Variants in ACADVL observed in about 807,000 individuals in gnomAD.
ACADVL encodes the protein very long-chain acyl-CoA dehydrogenase, mitochondrial.
In ACADVL, 73 loss-of-function variants were observed where a neutral mutation model predicts 80.4. The observed-to-expected ratio is 0.91, with a 90% CI of 0.75 to 1.10. ACADVL has a LOEUF of 1.10. Among genes scored for constraint, ACADVL ranks in the 50% least tolerant of loss-of-function variants. The pLI, the probability that ACADVL is intolerant of heterozygous loss-of-function variation, is 0.00. For missense variants in ACADVL, 878 were observed against 858.9 expected, an observed-to-expected ratio of 1.02 and a Z score of -0.28; for synonymous variants, 392 against 326.5, an observed-to-expected ratio of 1.20 and a Z score of -2.16.
Position 7,224,877 on chromosome 17 carries a change from G to C in ACADVL, c.1820G>C (p.Cys607Ser), listed in dbSNP as rs200117742. The change falls in exon 19 of 20, where the codon TGT (cysteine) becomes TCT (serine). Residue 607 changes from cysteine to serine, a missense_variant. Transcript: ENST00000356839. Reference sequence around the variant, plus strand: ...GAGAAAATGCTCTGTGACACCTGGTGTATCGAGGTGAGACTCGGGGCTGCC... The same window carrying C: ...GAGAAAATGCTCTGTGACACCTGGTCTATCGAGGTGAGACTCGGGGCTGCC... Reference protein sequence around the residue: ...QHEKMLCDTWCIEAAARIREG... With the variant: ...QHEKMLCDTWSIEAAARIREG... 4.8e-5 allele frequency: 77 copies of C among 1,614,102 alleles called. No homozygotes were observed. The East Asian group carries it at 1.7e-3, about 36-fold the overall frequency.
At chr17:7,221,362 G>A in intron 6 of ACADVL, 176 bp from the exon 7 acceptor site, 1 of 1,162,436 alleles carries the variant, frequency 8.6e-7, no homozygotes, top group Admixed American at 1.9e-5. Context: ...AGCATTCTCT[G>A]CTGTGCCCTT....
In ACADVL at chr17:7,222,849, G is replaced by A; in HGVS notation, c.1061G>A (p.Gly354Asp). 6.2e-7 allele frequency: 1 copy of A among 1,612,438 alleles called. No individual in the cohort carries two copies. Among genetic ancestry groups the A allele is most frequent in the Middle Eastern group, 1.9e-4 (1 of 5,170 alleles). The change falls in exon 10 of 20, where the codon GGC becomes GAC. Residue 354 changes from glycine to aspartate, a missense_variant. Transcript: ENST00000356839. ...MAAALAGTMR[G>D]IIAKAVDHAT... ...GCGGCCCTGGCAGGTACCATGAGAG[G>A]CATCATTGCTAAGGCGGTGAGTACC...
chr17:7,219,247 C>T, upstream of ACADVL: 1 of 387,608 alleles, frequency 2.6e-6, no homozygotes, highest in East Asian at 1.1e-4. Context: ...GGGTAAGAGG[C>T]AGGAGAATTC....
Position 7,224,452 on chromosome 17 carries a change from G to A in ACADVL, c.1606-28G>A, listed in dbSNP as rs773931227. ...AGGGACTGCAGCCGATGGCCCCTCT[G>A]AGCCCCGCACTGTCCCCATCTCTTA... On this transcript the variant is annotated intron_variant, in intron 16 of 19. Coordinates refer to ENST00000356839, the MANE Select transcript of ACADVL (RefSeq NM_000018.4). The A allele has an allele frequency of 6.2e-7, 1 of 1,613,868 alleles. No homozygotes were observed. Among genetic ancestry groups the A allele is most frequent in the East Asian group, 2.2e-5 (1 of 44,880 alleles).
At position 7,220,782 on chromosome 17, in the gene ACADVL, GAC is replaced by G. The variant is rs786204713; in HGVS notation, c.298_299del (p.Gln100ValfsTer3). On this transcript the variant is annotated frameshift_variant, in exon 5 of 20. Transcript: ENST00000356839. LOFTEE classifies it high-confidence loss of function. ...CCTCTGCAGTGCTCAACGAAGAGCA[GAC>G]ACAGTTTCTTAAAGAGCTGGTGGAG... ...PYPSVLNEEQTQFLKELVEPV... is the reference protein window; with the variant it reads ...PYPSVLNEEQXQFLKELVEPV... The G allele has an allele frequency of 7.4e-6, 12 of 1,614,124 alleles. No individual in the cohort carries two copies. The highest frequency in any genetic ancestry group is 1.6e-4 in the Middle Eastern group (1 of 6,062).
chr17:7,222,518 C>T, intron 9 of ACADVL, 149 bp from the exon 10 acceptor site: 3 of 1,165,360 alleles, frequency 2.6e-6, no homozygotes, highest in South Asian at 2.8e-5. Context: ...CTCCTTAGCC[C>T]TCAGGGCCTG....
chr17:7,220,384 C>T, intron 2 of ACADVL, 80 bp from the exon 3 acceptor site: 5 of 1,599,894 alleles, frequency 3.1e-6, no homozygotes, highest in Non-Finnish European at 4.3e-6. Flanking sequence ...CGCGCCGCCT[C>T]CCCGCGCGGC....
rs2071295317 is a variant in ACADVL at position 7,222,828 on chromosome 17, C to T, written c.1040C>T (p.Ala347Val). 4 of 1,613,104 alleles carry T rather than the reference C, an allele frequency of 2.5e-6. No homozygotes were observed. Among genetic ancestry groups the T allele is most frequent in the Non-Finnish European group, 2.5e-6 (3 of 1,180,004 alleles). Residue 347 changes from alanine to valine, a missense_variant, in exon 10 of 20, where the codon GCC becomes GTC. Coordinates refer to ENST00000356839, the MANE Select transcript of ACADVL (RefSeq NM_000018.4). The part of the protein sequence containing the change: ...LNNGRFGMAA[A>V]LAGTMRGIIA... Reference sequence around the variant, plus strand: ...AATGGAAGGTTTGGCATGGCTGCGGCCCTGGCAGGTACCATGAGAGGCATC... The same window carrying T: ...AATGGAAGGTTTGGCATGGCTGCGGTCCTGGCAGGTACCATGAGAGGCATC...
At chr17:7,217,422 CG>C, upstream of ACADVL, 7 of 133,696 alleles carry the variant, frequency 5.2e-5, no homozygotes, top group Non-Finnish European at 8.5e-5. Context: ...GCGGGGGCAC[CG>C]GGGGCTGGCA....
At chr17:7,223,403 G>A in intron 11 of ACADVL, 166 bp downstream of exon 11, 1 of 822,560 alleles carries the variant, frequency 1.2e-6, no homozygotes, top group Non-Finnish European at 2.1e-6. Flanking sequence ...AAGAGAGACA[G>A]CAATGATGTT....
At chr17:7,221,885 G>C (rs1417624979) in intron 7 of ACADVL, 67 bp from the exon 8 acceptor site, 3 of 1,612,442 alleles carry the variant, frequency 1.9e-6, no homozygotes, top group East Asian at 4.5e-5. Flanking sequence ...TGGAGGGATG[G>C]GGAAGTGGGC....
chr17:7,218,889 A>T (rs1220012713), upstream of ACADVL: 1 of 1,610,056 alleles, frequency 6.2e-7, no homozygotes, highest in Non-Finnish European at 8.5e-7. Context: ...ATCCTCCAGG[A>T]TTGGAGTTGA....
chr17:7,223,206 C>T lies in ACADVL; in HGVS notation c.1151C>T (p.Ala384Val). The T allele has an allele frequency of 6.2e-7, 1 of 1,613,992 alleles. No homozygotes were observed. The highest frequency in any genetic ancestry group is 8.5e-7 in the Non-Finnish European group (1 of 1,179,884). ...HNFGLIQEKLARMVMLQYVTE... is the reference protein window; with the variant it reads ...HNFGLIQEKLVRMVMLQYVTE... ...TTTGGGCTGATCCAGGAGAAGCTGG[C>T]ACGGATGGTTATGCTGCAGTATGTA... is the stretch of plus-strand genomic sequence containing the variant. The change falls in exon 11 of 20, where the codon GCA (alanine) becomes GTA (valine). Residue 384 changes from alanine (A) to valine (V), a missense_variant. By Grantham distance (64) the Ala-to-Val change is moderately conservative. Coordinates refer to ENST00000356839, the MANE Select transcript of ACADVL (RefSeq NM_000018.4).
In ACADVL at chr17:7,220,643, C is replaced by A. The variant is rs1262964096; in HGVS notation, c.244C>A (p.Leu82Ile). The change falls in exon 4 of 20, where the codon CTC (leucine) becomes ATC (isoleucine). Residue 82 changes from leucine to isoleucine, a missense_variant. Leu to Ile is a conservative substitution (Grantham distance 5). Transcript: ENST00000356839. ...SFAVGMFKGQ[L>I]TTDQVFPYPS... ...TGCTGTGGGAATGTTCAAAGGCCAG[C>A]TCACCACAGATCAGGTGTTCCCATA... 18 of 1,614,092 alleles carry A rather than the reference C, an allele frequency of 1.1e-5. No individual in the cohort carries two copies. Among genetic ancestry groups the A allele is most frequent in the Non-Finnish European group, 1.4e-5 (17 of 1,180,038 alleles).
rs113690956 is a variant in ACADVL at position 7,223,238 on chromosome 17, G to A, written c.1182+1G>A. 99 of 1,611,340 alleles carry A rather than the reference G, an allele frequency of 6.1e-5. No individual in the cohort carries two copies. The highest frequency in any genetic ancestry group is 8.1e-5 in the Non-Finnish European group (95 of 1,177,622). The stretch of plus-strand genomic sequence containing the variant: ...GGTTATGCTGCAGTATGTAACTGAG[G>A]TGAGGGCCTCCCAAGCCCCTCTCCC... On this transcript the variant is annotated splice_donor_variant, in intron 11 of 19. Transcript: ENST00000356839. LOFTEE classifies it high-confidence loss of function.
At chr17:7,220,290 C>A in intron 2 of ACADVL, 93 bp downstream of exon 2, 1 of 1,499,070 alleles carries the variant, frequency 6.7e-7, no homozygotes, top group Non-Finnish European at 9.0e-7. Flanking sequence ...GTGCCAGGTA[C>A]CTGCCTACTG....
At position 7,220,548 on chromosome 17, in the gene ACADVL, A is replaced by T. The variant is rs755486571; in HGVS notation, c.204+19A>T. 1.2e-6 allele frequency: 2 copies of T among 1,614,250 alleles called. No individual in the cohort carries two copies. The highest frequency in any genetic ancestry group is 1.7e-6 in the Non-Finnish European group (2 of 1,180,038). ...CAAGGCGGTAGGTAGCCCCGAGGCC[A>T]GGTGGACCTTAGCCAGACCCAACCA... On this transcript the variant is annotated intron_variant, in intron 3 of 19. Transcript: ENST00000356839.
Position 7,222,497 on chromosome 17 carries a change from CAT to C in ACADVL, c.879-168_879-167del. The C allele has an allele frequency of 9.7e-6, 11 of 1,134,324 alleles. No homozygotes were observed. The South Asian group carries it at 1.5e-4, about 15-fold the overall frequency. The allele number at this position is 1,134,324 out of a possible 1,614,324, so 70.3% of individuals were successfully genotyped here. On this transcript the variant is annotated intron_variant, in intron 9 of 19. Transcript: ENST00000356839. ...CAACCAAGTCCAACACAAAATAGGA[CAT>C]AGCCAGGCCTCCTTAGCCCTCAGGG...
chr17:7,220,876 T>C (rs764569972), intron 5 of ACADVL, 46 bp downstream of exon 5: 10 of 1,613,972 alleles, frequency 6.2e-6, no homozygotes, highest in Non-Finnish European at 6.8e-6. Context: ...TGTTTGGAGA[T>C]GTTAAGCTCA....
Sources: allele counts gnomAD v4.1 joint callset, GRCh38; gene constraint gnomAD v4.1.1; transcripts MANE v1.5; gene names NCBI Gene and HGNC (gene_info 2026-07-23, HGNC 2026-07-21).